The following DGKD variants were observed in gnomAD, a reference collection of about 807,000 sequenced individuals.
The protein encoded by DGKD is DAG kinase delta.
DGKD carries 68 observed loss-of-function variants against 154.4 expected under a neutral mutation model. The observed-to-expected ratio is 0.44, with a 90% CI of 0.36 to 0.54. DGKD has a LOEUF of 0.54. DGKD is among the 20% of genes least tolerant of loss of function. DGKD has a pLI of 0.00. For missense variants in DGKD, 1,343 were observed against 1,593.6 expected, an observed-to-expected ratio of 0.84 and a Z score of 2.68; for synonymous variants, 693 against 638.0, an observed-to-expected ratio of 1.09 and a Z score of -1.30.
At chr2:233,446,633 C>A in intron 11 of DGKD, 79 bp from the exon 12 acceptor site, 1 of 1,443,978 alleles carries the variant, frequency 6.9e-7, no homozygotes, top group Non-Finnish European at 9.5e-7. Context: ...GGCTGCCAGC[C>A]GTGAAAGCGG....
chr2:233,434,905 C>T lies in DGKD; in HGVS notation c.586+4C>T, dbSNP rs767150603. 1.2e-5 allele frequency: 19 copies of T among 1,607,474 alleles called. No individual in the cohort carries two copies. The highest frequency in any genetic ancestry group is 1.4e-5 in the Non-Finnish European group (17 of 1,177,198). ...TCGCACGGGCTGTCCTGCGAGGGTA[C>T]GGATGTGCGTTTGTTATTCTGTCAG... On this transcript the variant is annotated splice_donor_region_variant and intron_variant, in intron 5 of 29. Transcript: ENST00000264057.
Position 233,354,539 on chromosome 2 carries a change from C to T in DGKD, c.21C>T (p.Ala7=), listed in dbSNP as rs1701445675. MAAAAG[A]PPPGPPQPPP... ...GCAGCATGGCGGCGGCGGCGGGCGC[C>T]CCTCCGCCGGGTCCCCCGCAACCGC... Residue 7 remains alanine, a synonymous_variant, in exon 1 of 30, where the codon GCC becomes GCT. Transcript: ENST00000264057. The surrounding 1 kb of genome is among the most constrained non-coding windows in gnomAD (Gnocchi z 4.8). 22 of 998,148 alleles carry T rather than the reference C, an allele frequency of 2.2e-5. No individual in the cohort carries two copies. Among genetic ancestry groups the T allele is most frequent in the Non-Finnish European group, 2.5e-5 (21 of 840,106 alleles). 61.8% of individuals were successfully genotyped at this position (998,148 alleles called of 1,614,324 possible). A position where few individuals can be genotyped will look rare whatever the true frequency, so the allele number is the denominator to read the frequency against.
rs146244972 is a variant in DGKD, at chr2:233,422,509, G to T, written c.349-11871G>T. On this transcript the variant is annotated intron_variant, in intron 3 of 29. Transcript: ENST00000264057. ...CACCCCTCCTGACATAGAGGACCTG[G>T]TCCTTTTCTTTGAGAATGTGTACCA... Among the ~76,000 whole-genome samples the T allele has an allele frequency of 6.9e-3, 1,046 of 152,258 alleles. 6 individuals are homozygous for T. The highest frequency in any genetic ancestry group is 0.024 in the African/African-American group (992 of 41,530).
intron 3 of DGKD, among the ~76,000 whole-genome samples, chr2:233,430,015 A>G (rs1470137708): frequency 6.6e-6 from 1 of 152,210 alleles, no homozygotes; most frequent in Non-Finnish European, 1.5e-5. Flanking sequence ...GTATTCCTAA[A>G]TTGGGTCTTC....
At chr2:233,413,017 A>G (rs546214168) in intron 3 of DGKD, among the ~76,000 whole-genome samples, 2 of 152,302 alleles carry the variant, frequency 1.3e-5, no homozygotes, top group South Asian at 4.1e-4. Flanking sequence ...ACCAATATTC[A>G]TGAAGGTATT....
chr2:233,377,075 T>C (rs1702614810), intron 1 of DGKD, among the ~76,000 whole-genome samples: 2 of 151,054 alleles, frequency 1.3e-5, no homozygotes, highest in African/African-American at 4.9e-5. Context: ...GCGTAGCATG[T>C]TCCTTTTTTT....
Position 233,460,189 on chromosome 2 carries a change from C to T in DGKD, c.2830-5C>T. ...GCAGGTGTAATTGGGCTTTCGGGTC[C>T]ATAGGCATTTGAGAGCACCCTGAAG... On this transcript the variant is annotated splice_polypyrimidine_tract_variant and splice_region_variant and intron_variant, in intron 23 of 29. Coordinates refer to ENST00000264057, the MANE Select transcript of DGKD (RefSeq NM_152879.3). 6.2e-7 allele frequency: 1 copy of T among 1,613,678 alleles called. No homozygotes were observed. Among genetic ancestry groups the T allele is most frequent in the Non-Finnish European group, 8.5e-7 (1 of 1,179,818 alleles).
intron 3 of DGKD, among the ~76,000 whole-genome samples, chr2:233,401,877 A>G (rs1415542050): frequency 1.4e-5 from 2 of 138,278 alleles, no homozygotes; most frequent in Non-Finnish European, 3.0e-5. Flanking sequence ...CTGAGATCGC[A>G]TCATTTCATT....
At chr2:233,393,534 C>T (rs184054491) in intron 3 of DGKD, among the ~76,000 whole-genome samples, 6 of 151,678 alleles carry the variant, frequency 4.0e-5, no homozygotes, top group South Asian at 2.1e-4. Context: ...GATGGGTTTT[C>T]GCCATGTTGT....
At chr2:233,374,987 T>A (rs968291368) in intron 1 of DGKD, among the ~76,000 whole-genome samples, 1 of 152,142 alleles carries the variant, frequency 6.6e-6, no homozygotes, top group African/African-American at 2.4e-5. Flanking sequence ...CTGTTTTATT[T>A]ACACACTTGA....
intron 3 of DGKD, among the ~76,000 whole-genome samples, chr2:233,422,088 T>A (rs1373086334): frequency 6.6e-6 from 1 of 152,290 alleles, no homozygotes; most frequent in East Asian, 1.9e-4. Flanking sequence ...CAGTGGGCTG[T>A]GGGGCTGCAG....
Position 233,462,739 on chromosome 2 carries a change from A to C in DGKD, c.3186+4A>C. Reference sequence around the variant, plus strand: ...GCTGTCTGGGAAGATGGCCCTGGTAAGCTGGTGCCCCAGGGACAGCAGGGC... The same window carrying C: ...GCTGTCTGGGAAGATGGCCCTGGTACGCTGGTGCCCCAGGGACAGCAGGGC... On this transcript the variant is annotated splice_donor_region_variant and intron_variant, in intron 26 of 29. Coordinates refer to ENST00000264057, the MANE Select transcript of DGKD (RefSeq NM_152879.3). The C allele has an allele frequency of 1.9e-6, 3 of 1,612,626 alleles. No homozygotes were observed. Among genetic ancestry groups the C allele is most frequent in the Non-Finnish European group, 2.5e-6 (3 of 1,179,282 alleles).
intron 3 of DGKD, among the ~76,000 whole-genome samples, chr2:233,422,527 G>A (rs899409730): frequency 6.6e-6 from 1 of 152,154 alleles, no homozygotes; most frequent in Non-Finnish European, 1.5e-5. Flanking sequence ...CTTTGAGAAT[G>A]TGTACCAAAG....
chr2:233,429,190 G>T lies in DGKD; in HGVS notation c.349-5190G>T, dbSNP rs529664062. On this transcript the variant is annotated intron_variant, in intron 3 of 29. Coordinates refer to ENST00000264057, the MANE Select transcript of DGKD (RefSeq NM_152879.3). ...TGGAGCAAAGTTGGCACTTCAGCTC[G>T]TAAAGGCTGCCGTGGGAGTAGTAGA... is the stretch of plus-strand genomic sequence containing the variant. The T allele has an allele frequency of 1.4e-4, 138 of 985,364 alleles. 4 individuals carry two copies. Among genetic ancestry groups the T allele is most frequent in the Non-Finnish European group, 2.4e-6 (2 of 829,910 alleles). The allele number at this position is 985,364 out of a possible 1,614,324, so 61.0% of individuals were successfully genotyped here. A position where few individuals can be genotyped will look rare whatever the true frequency, so the allele number is the denominator to read the frequency against.
chr2:233,426,101 C>T (rs1204262841), intron 3 of DGKD, among the ~76,000 whole-genome samples: 2 of 152,270 alleles, frequency 1.3e-5, no homozygotes, highest in East Asian at 3.9e-4. Flanking sequence ...CTTGCATTTG[C>T]CTTATAAGAC....
chr2:233,425,727 T>C (rs903911246), intron 3 of DGKD, among the ~76,000 whole-genome samples: 6 of 152,242 alleles, frequency 3.9e-5, no homozygotes, highest in African/African-American at 1.4e-4. Flanking sequence ...TCAGGGGTTT[T>C]AGTGGCTGCA....
Position 233,434,809 on chromosome 2 carries a change from A to C in DGKD, c.494A>C (p.Asn165Thr), listed in dbSNP as rs1345260651. 1.9e-6 allele frequency: 3 copies of C among 1,614,192 alleles called. No homozygotes were observed. Among genetic ancestry groups the C allele is most frequent in the Non-Finnish European group, 2.5e-6 (3 of 1,180,036 alleles). The part of the protein sequence containing the change: ...YSMDHFSGMH[N>T]WYACSHARPT... ...ATGGACCACTTCTCAGGGATGCACA[A>C]TTGGTACGCCTGTTCCCACGCGAGG... Residue 165 changes from asparagine to threonine, a missense_variant, in exon 5 of 30, where the codon AAT becomes ACT. Physicochemically the swap from Asn to Thr is moderately conservative, Grantham distance 65. Around this residue, in one of 6 missense-constraint regions of DGKD, gnomAD observed 332 missense variants for 400.1 expected, o/e 0.83. Transcript: ENST00000264057.
rs138192775 is a variant in DGKD at position 233,376,085 on chromosome 2, A to G, written c.157-12172A>G. On this transcript the variant is annotated intron_variant, in intron 1 of 29. Coordinates refer to ENST00000264057, the MANE Select transcript of DGKD (RefSeq NM_152879.3). The stretch of plus-strand genomic sequence containing the variant: ...CAGAAGCTGAATCTTTCCTACCTTA[A>G]TGAACCACAGAGCGCATGTGTGTAT... Among the ~76,000 whole-genome samples, 167 of 152,206 alleles carry G rather than the reference A, an allele frequency of 1.1e-3. 2 individuals are homozygous for G. The highest frequency in any genetic ancestry group is 2.0e-3 in the Non-Finnish European group (138 of 67,996).
chr2:233,418,185 C>T lies in DGKD; in HGVS notation c.349-16195C>T, dbSNP rs139738040. ...TGTGTGAGCATGTTGGAGCTTACTT[C>T]ACCAGCCCCCTGTCTGGAGACTGAG... On this transcript the variant is annotated intron_variant, in intron 3 of 29. Transcript: ENST00000264057. Among the ~76,000 whole-genome samples, 31 of 152,326 alleles carry T rather than the reference C, an allele frequency of 2.0e-4. No homozygotes were observed. The East Asian group carries it at 6.0e-3, about 29-fold the overall frequency.
Sources: gnomAD v4.1 joint callset for allele counts (sites outside exome capture counted in the v4.1 genomes callset) on GRCh38, gnomAD v4.1.1 for gene constraint, gnomAD v4.1.1 regional missense constraint, Gnocchi (gnomAD v3.1) non-coding constraint, MANE v1.5 for transcripts, NCBI Gene and HGNC (gene_info 2026-07-23, HGNC 2026-07-21) for gene names.